Variants in TAS2R1 observed in about 807,000 individuals in gnomAD.
The protein encoded by TAS2R1 is taste 2 receptor member 1.
For synonymous variants in TAS2R1, 141 were observed against 134.2 expected, an observed-to-expected ratio of 1.05 and a Z score of -0.35; for missense variants, 370 against 353.4, an observed-to-expected ratio of 1.05 and a Z score of -0.38.
At chr5:9,689,463 C>T (rs1342636197) in intron 1 of TAS2R1, among the ~76,000 whole-genome samples, 1 of 152,102 alleles carries the variant, frequency 6.6e-6, no homozygotes, top group African/African-American at 2.4e-5. Flanking sequence ...GATTCGTGCT[C>T]GGGATTCAGA....
At chr5:9,785,247 G>A in the TAS2R1 span, among the ~76,000 whole-genome samples, 2 of 152,122 alleles carry the variant, frequency 1.3e-5, no homozygotes, top group African/African-American at 4.8e-5. Context: ...ACCTATGTAG[G>A]CAGATACTCA....
chr5:9,850,076 T>C, the TAS2R1 span, among the ~76,000 whole-genome samples: 2 of 152,222 alleles, frequency 1.3e-5, no homozygotes, highest in Non-Finnish European at 2.9e-5. Context: ...ATGCATGGTC[T>C]ATTCCACCCT....
the TAS2R1 span, among the ~76,000 whole-genome samples, chr5:9,875,162 T>C: frequency 6.6e-6 from 1 of 152,216 alleles, no homozygotes. Flanking sequence ...ATTTCCCTCC[T>C]CCATTTGATT....
the TAS2R1 span, among the ~76,000 whole-genome samples, chr5:9,804,225 G>A: frequency 1.3e-5 from 2 of 152,070 alleles, no homozygotes; most frequent in African/African-American, 4.8e-5. Flanking sequence ...TAACACTGGA[G>A]CTCCCAAATT....
upstream of TAS2R1, among the ~76,000 whole-genome samples, chr5:9,633,302 A>T (rs1237684128): frequency 8.8e-6 from 1 of 114,080 alleles, no homozygotes; most frequent in African/African-American, 4.1e-5. Flanking sequence ...TATTATATAT[A>T]TATATATATA....
At chr5:9,745,132 G>A in the TAS2R1 span, among the ~76,000 whole-genome samples, 1 of 152,138 alleles carries the variant, frequency 6.6e-6, no homozygotes, top group Non-Finnish European at 1.5e-5. Context: ...CCCCAGCAAG[G>A]GATGCAGTGG....
chr5:9,903,243 CAAGT>C, the TAS2R1 span, among the ~76,000 whole-genome samples: 3 of 152,036 alleles, frequency 2.0e-5, no homozygotes, highest in East Asian at 1.9e-4. Flanking sequence ...AAAAAACCTA[CAAGT>C]AAGTGAGAAC....
the TAS2R1 span, among the ~76,000 whole-genome samples, chr5:9,797,004 C>T: frequency 2.6e-5 from 4 of 152,270 alleles, no homozygotes; most frequent in South Asian, 4.2e-4. Flanking sequence ...ATATAGGCAA[C>T]GTGTCTTGGA....
At chr5:9,687,914 G>A (rs1009974740) in intron 1 of TAS2R1, among the ~76,000 whole-genome samples, 3 of 152,324 alleles carry the variant, frequency 2.0e-5, no homozygotes, top group Middle Eastern at 3.4e-3. Context: ...ATGAGGGGGT[G>A]AGTCTTCATT....
At chr5:9,822,319 C>A in the TAS2R1 span, among the ~76,000 whole-genome samples, 1 of 150,168 alleles carries the variant, frequency 6.7e-6, no homozygotes, top group Admixed American at 6.7e-5. Flanking sequence ...TCTTTTCTTT[C>A]ATAATATGTA....
At chr5:9,886,869 T>G in the TAS2R1 span, among the ~76,000 whole-genome samples, 31 of 151,910 alleles carry the variant, frequency 2.0e-4, no homozygotes, top group Admixed American at 2.0e-3. Context: ...TCCCTGAACC[T>G]GAAATAAAAG....
At chr5:9,667,027 T>G (rs376080449) in intron 1 of TAS2R1, among the ~76,000 whole-genome samples, 1 of 152,198 alleles carries the variant, frequency 6.6e-6, no homozygotes, top group Non-Finnish European at 1.5e-5. Flanking sequence ...ATAACAGGCA[T>G]GTTCCAAAAT....
At chr5:9,759,730 T>A in the TAS2R1 span, among the ~76,000 whole-genome samples, 4 of 152,216 alleles carry the variant, frequency 2.6e-5, no homozygotes, top group Non-Finnish European at 4.4e-5. Context: ...TGTCAGGTTG[T>A]CACTATTTTT....
the TAS2R1 span, among the ~76,000 whole-genome samples, chr5:9,719,005 G>C: frequency 6.6e-6 from 1 of 152,270 alleles, no homozygotes; most frequent in East Asian, 1.9e-4. Context: ...TGGAGAAAAA[G>C]TGTTACAAAG....
intron 1 of TAS2R1, among the ~76,000 whole-genome samples, chr5:9,677,111 C>T (rs1274006847): frequency 3.9e-5 from 6 of 152,208 alleles, no homozygotes; most frequent in African/African-American, 9.6e-5. Flanking sequence ...TGTGGGAACA[C>T]GGATGGAGCT....
chr5:9,782,782 G>GA, the TAS2R1 span, among the ~76,000 whole-genome samples: 3,021 of 150,188 alleles, frequency 0.02, 102 homozygotes, highest in African/African-American at 0.065. Context: ...TTGTCCAGTG[G>GA]AAAAAAAAAA....
At chr5:9,833,053 A>G in the TAS2R1 span, among the ~76,000 whole-genome samples, 1 of 152,240 alleles carries the variant, frequency 6.6e-6, no homozygotes, top group Admixed American at 6.5e-5. Flanking sequence ...AAGAGACAAA[A>G]GATTGCATTC....
At chr5:9,684,494 T>A (rs977125951) in intron 1 of TAS2R1, among the ~76,000 whole-genome samples, 1 of 152,136 alleles carries the variant, frequency 6.6e-6, no homozygotes, top group African/African-American at 2.4e-5. Context: ...CACTGAAGGG[T>A]GGATACACAA....
At chr5:9,739,342 G>A in the TAS2R1 span, among the ~76,000 whole-genome samples, 1 of 152,116 alleles carries the variant, frequency 6.6e-6, no homozygotes, top group Non-Finnish European at 1.5e-5. Flanking sequence ...GCAGGTCAGG[G>A]TGTCAACAGT....
Sources: allele counts gnomAD v4.1 joint callset (sites outside exome capture counted in the v4.1 genomes callset), GRCh38; gene constraint gnomAD v4.1.1; transcripts MANE v1.5; gene names NCBI Gene and HGNC (gene_info 2026-07-23, HGNC 2026-07-21).